SMAD2: variants seen among roughly 807,000 people sequenced by gnomAD.
SMAD2 encodes the protein MAD homolog 2.
SMAD2 carries 8 observed loss-of-function variants against 64.4 expected under a neutral mutation model. The ratio of observed to expected loss-of-function variants is 0.12; its 90% CI spans 0.07 to 0.22. The LOEUF is 0.22. Ranked by LOEUF, SMAD2 falls within the 10% of genes least tolerant of loss-of-function variation. The pLI is 1.00. For synonymous variants in SMAD2, 203 were observed against 195.8 expected (o/e 1.04, Z -0.31); for missense variants, 289 against 561.2 (o/e 0.51, Z 4.90).
chr18:47,834,742 T>C lies in SMAD2; in HGVS notation c.*7085A>G, dbSNP rs1913250595. 1.4e-5 allele frequency: 3 copies of C among 221,188 alleles called. No individual in the cohort carries two copies. The East Asian group carries it at 2.0e-4, about 15-fold the overall frequency. The allele number at this position is 221,188 out of a possible 1,614,324, so 13.7% of individuals were successfully genotyped here. ...CTTGAAATCTGTTTTCAGACAAATC[T>C]TCTAAAGGTTCTTCTAGCTTTGTCC... On this transcript the variant is annotated 3_prime_UTR_variant, in exon 11 of 11. Transcript: ENST00000262160.
intron 4 of SMAD2, among the ~76,000 whole-genome samples, chr18:47,869,041 T>C (rs1301758243): frequency 1.3e-5 from 2 of 152,170 alleles, no homozygotes; most frequent in Non-Finnish European, 1.5e-5. Flanking sequence ...CCAAATCATA[T>C]GCTATTCCAA....
rs1340261758 is a variant in SMAD2, at chr18:47,814,456, T to A, written c.*27371A>T. 1.3e-5 allele frequency: 2 copies of A among 152,212 alleles called. No homozygotes were observed. The highest frequency in any genetic ancestry group is 1.9e-4 in the East Asian group (1 of 5,198). 9.4% of individuals were successfully genotyped at this position (152,212 alleles called of 1,614,324 possible). A position where few individuals can be genotyped will look rare whatever the true frequency, so the allele number is the denominator to read the frequency against. Reference sequence around the variant, plus strand: ...GACAACTGAACATGAGTTTTACTCCTAACCATGGATAAGAGAAACTGAGAA... The same window carrying A: ...GACAACTGAACATGAGTTTTACTCCAAACCATGGATAAGAGAAACTGAGAA... On this transcript the variant is annotated 3_prime_UTR_variant, in exon 11 of 11. Transcript: ENST00000262160.
chr18:47,901,092 G>T (rs2033665224), intron 1 of SMAD2, among the ~76,000 whole-genome samples: 1 of 152,082 alleles, frequency 6.6e-6, no homozygotes. Flanking sequence ...TGCTAATTGT[G>T]ATGTATGTAT....
chr18:47,895,733 A>C (rs756629431), intron 2 of SMAD2: 2 of 152,252 alleles, frequency 1.3e-5, no homozygotes, highest in Admixed American at 6.5e-5. Flanking sequence ...GGGATCTGTT[A>C]TCTATAAGCA....
At chr18:47,916,067 A>T (rs1372373964) in intron 1 of SMAD2, among the ~76,000 whole-genome samples, 2 of 152,172 alleles carry the variant, frequency 1.3e-5, no homozygotes, top group Admixed American at 6.5e-5. Context: ...GATGAATTTC[A>T]TTTACGAGTT....
intron 1 of SMAD2, among the ~76,000 whole-genome samples, chr18:47,923,051 A>C (rs2034626086): frequency 1.0e-5 from 1 of 100,314 alleles, no homozygotes; most frequent in South Asian, 3.5e-4. Context: ...TAAAGAGACT[A>C]CTTATTTTTT....
Position 47,825,982 on chromosome 18 carries a change from CG to C in SMAD2, c.*15844del, listed in dbSNP as rs989634819. Reference sequence around the variant, plus strand: ...TGTAAATGTTCACATTAAGAGAAAACGGTTTCCCTGAATTGAGTGATTCTTT... The same window carrying C: ...TGTAAATGTTCACATTAAGAGAAAACGTTTCCCTGAATTGAGTGATTCTTT... On this transcript the variant is annotated 3_prime_UTR_variant, in exon 11 of 11. Transcript: ENST00000262160. The C allele has an allele frequency of 6.6e-6, 1 of 152,178 alleles. No homozygotes were observed. The highest frequency in any genetic ancestry group is 1.5e-5 in the Non-Finnish European group (1 of 68,044). 9.4% of individuals were successfully genotyped at this position (152,178 alleles called of 1,614,324 possible). A position where few individuals can be genotyped will look rare whatever the true frequency, so the allele number is the denominator to read the frequency against.
At position 47,828,669 on chromosome 18, in the gene SMAD2, A is replaced by G. The variant is rs1418995297; in HGVS notation, c.*13158T>C. The G allele has an allele frequency of 1.3e-5, 2 of 157,916 alleles. No homozygotes were observed. Among genetic ancestry groups the G allele is most frequent in the East Asian group, 3.8e-4 (2 of 5,316 alleles). The allele number at this position is 157,916 out of a possible 1,614,324, so 9.8% of individuals were successfully genotyped here. ...GCTCTCTGAAACATGTGCTGTGTCC[A>G]CTCAGGGTTAAATGGATTAAGGGCG... is the stretch of plus-strand genomic sequence containing the variant. On this transcript the variant is annotated 3_prime_UTR_variant, in exon 11 of 11. Coordinates refer to ENST00000262160, the MANE Select transcript of SMAD2 (RefSeq NM_005901.6).
chr18:47,861,778 C>T (rs774047180), intron 6 of SMAD2, among the ~76,000 whole-genome samples: 23 of 152,218 alleles, frequency 1.5e-4, no homozygotes, highest in South Asian at 4.1e-4. Flanking sequence ...CATCTTTGTG[C>T]AATCCACTAT....
Position 47,829,669 on chromosome 18 carries a change from C to T in SMAD2, c.*12158G>A, listed in dbSNP as rs956669466. 2.6e-5 allele frequency: 4 copies of T among 152,092 alleles called. No homozygotes were observed. Among genetic ancestry groups the T allele is most frequent in the Non-Finnish European group, 5.9e-5 (4 of 68,032 alleles). 9.4% of individuals were successfully genotyped at this position (152,092 alleles called of 1,614,324 possible). On this transcript the variant is annotated 3_prime_UTR_variant, in exon 11 of 11. Coordinates refer to ENST00000262160, the MANE Select transcript of SMAD2 (RefSeq NM_005901.6). ...TTAAAAACGGGAAGCAGTGCATAGG[C>T]AGTATGAAGTAGACACTTTGGCAAA... is the stretch of plus-strand genomic sequence containing the variant.
rs1912237454 is a variant in SMAD2, at chr18:47,812,498, G to A, written c.*29329C>T. ...GAAGCAGGCACCTTCTTCACAAGGT[G>A]GCAGAAGAGAGTGTGAGTGTGTGAA... On this transcript the variant is annotated 3_prime_UTR_variant, in exon 11 of 11. Transcript: ENST00000262160. 1 of 152,246 alleles carries A rather than the reference G, an allele frequency of 6.6e-6. No homozygotes were observed. 9.4% of individuals were successfully genotyped at this position (152,246 alleles called of 1,614,324 possible). A position where few individuals can be genotyped will look rare whatever the true frequency, so the allele number is the denominator to read the frequency against.
chr18:47,883,749 C>T (rs1222539856), intron 2 of SMAD2, among the ~76,000 whole-genome samples: 1 of 152,152 alleles, frequency 6.6e-6, no homozygotes, highest in Non-Finnish European at 1.5e-5. Context: ...ATGCTGCGTG[C>T]CATTTTTCAC....
At chr18:47,851,202 C>A in intron 7 of SMAD2, 72 bp downstream of exon 7, 1 of 1,071,142 alleles carries the variant, frequency 9.3e-7, no homozygotes, top group African/African-American at 1.6e-5. Flanking sequence ...AAAATAACTC[C>A]TAGAGATGAT....
chr18:47,915,691 G>A (rs769512719), intron 1 of SMAD2, among the ~76,000 whole-genome samples: 31 of 152,052 alleles, frequency 2.0e-4, no homozygotes, highest in Non-Finnish European at 2.2e-4. Flanking sequence ...ACTGAGGGTC[G>A]CGAACCGTGA....
At chr18:47,858,412 T>G (rs2030901316) in intron 6 of SMAD2, among the ~76,000 whole-genome samples, 2 of 152,068 alleles carry the variant, frequency 1.3e-5, no homozygotes, top group African/African-American at 2.4e-5. Flanking sequence ...TGCAAAATGG[T>G]GCTAAAACAA....
chr18:47,868,455 A>C lies in SMAD2; in HGVS notation c.523T>G (p.Leu175Val). The stretch of plus-strand genomic sequence containing the variant: ...TGTCGGGGCACTAATACTGGAGGCA[A>C]AACTGAAAAAGTTCAAGAAATCCAA... ...YHYQRVETPV[L>V]PPVLVPRHTE... Residue 175 changes from leucine to valine, a missense_variant and splice_region_variant, in exon 5 of 11, where the codon TTG becomes GTG. Leu to Val is a conservative substitution (Grantham distance 32). This residue lies in a region of SMAD2 where 119 missense variants were observed against 156.7 expected (regional missense o/e 0.76). Transcript: ENST00000262160. 1 of 1,612,054 alleles carries C rather than the reference A, an allele frequency of 6.2e-7. No individual in the cohort carries two copies. Among genetic ancestry groups the C allele is most frequent in the Non-Finnish European group, 8.5e-7 (1 of 1,179,236 alleles).
At position 47,834,449 on chromosome 18, in the gene SMAD2, C is replaced by A. The variant is rs1028107933; in HGVS notation, c.*7378G>T. On this transcript the variant is annotated 3_prime_UTR_variant, in exon 11 of 11. Coordinates refer to ENST00000262160, the MANE Select transcript of SMAD2 (RefSeq NM_005901.6). ...AGGGAAAGTCCCGCATCCAGGGAAA[C>A]CCTCAATCCCAGGCACTTTAGGGCA... 2.4e-5 allele frequency: 5 copies of A among 205,404 alleles called. No homozygotes were observed. Among genetic ancestry groups the A allele is most frequent in the African/African-American group, 1.1e-4 (5 of 43,788 alleles). 12.7% of individuals were successfully genotyped at this position (205,404 alleles called of 1,614,324 possible). A position where few individuals can be genotyped will look rare whatever the true frequency, so the allele number is the denominator to read the frequency against.
chr18:47,918,737 G>GCTTCATAGCT (rs74172085), intron 1 of SMAD2, among the ~76,000 whole-genome samples: 4 of 151,426 alleles, frequency 2.6e-5, no homozygotes, highest in African/African-American at 9.7e-5. Context: ...CTCTTGCATA[G>GCTTCATAGCT]CTTGACAGCA....
At chr18:47,874,316 A>G (rs980096923) in intron 2 of SMAD2, among the ~76,000 whole-genome samples, 1 of 152,176 alleles carries the variant, frequency 6.6e-6, no homozygotes, top group African/African-American at 2.4e-5. Context: ...ACACTAAAGT[A>G]TCTACACTGA....
Sources: allele counts gnomAD v4.1 joint callset (sites outside exome capture counted in the v4.1 genomes callset), GRCh38; gene constraint gnomAD v4.1.1; regional missense constraint gnomAD v4.1.1; transcripts MANE v1.5; gene names NCBI Gene and HGNC (gene_info 2026-07-23, HGNC 2026-07-21).